Variants in GPD2 observed in about 807,000 individuals in gnomAD.
GPD2 encodes glycerol-3-phosphate dehydrogenase, mitochondrial.
In GPD2, 54 loss-of-function variants were observed where a neutral mutation model predicts 82.4. The observed-to-expected ratio is 0.66, with a 90% CI of 0.53 to 0.82. The LOEUF (loss-of-function observed/expected upper bound fraction) is 0.82, where lower values mean the gene tolerates loss of function less well. Among genes scored for constraint, GPD2 ranks in the 40% least tolerant of loss-of-function variants. The pLI is 0.00. For missense variants in GPD2, 748 were observed against 896.2 expected, an observed-to-expected ratio of 0.83 and a Z score of 2.11; for synonymous variants, 288 against 306.1, an observed-to-expected ratio of 0.94 and a Z score of 0.62.
intron 2 of GPD2, among the ~76,000 whole-genome samples, chr2:156,480,103 G>T (rs1683669205): frequency 6.6e-6 from 1 of 152,178 alleles, no homozygotes; most frequent in African/African-American, 2.4e-5. Context: ...ATCTTATCCA[G>T]TCTAAGGTCT....
intron 9 of GPD2, among the ~76,000 whole-genome samples, chr2:156,558,307 T>A (rs565885077): frequency 6.6e-6 from 1 of 152,264 alleles, no homozygotes; most frequent in East Asian, 1.9e-4. Flanking sequence ...TCTTTCCATA[T>A]CCAGTCTAAT....
chr2:156,532,524 A>G (rs1179901984), intron 6 of GPD2, among the ~76,000 whole-genome samples: 11 of 152,224 alleles, frequency 7.2e-5, no homozygotes, highest in Admixed American at 7.2e-4. Context: ...AATAGGTTTC[A>G]GACAACTTAC....
intron 11 of GPD2, 141 bp downstream of exon 11, chr2:156,569,679 A>G (rs1687538959): frequency 1.4e-6 from 1 of 736,472 alleles, no homozygotes; most frequent in Non-Finnish European, 2.4e-6. Flanking sequence ...TGGAAGGAAA[A>G]AAAGATGATC....
intron 1 of GPD2, among the ~76,000 whole-genome samples, chr2:156,467,976 C>T (rs1404057784): frequency 6.6e-6 from 1 of 152,002 alleles, no homozygotes; most frequent in Admixed American, 6.6e-5. Context: ...TCATGATCCC[C>T]ACAGTAAAGT....
At chr2:156,457,385 T>C (rs1682824142) in intron 1 of GPD2, among the ~76,000 whole-genome samples, 1 of 152,200 alleles carries the variant, frequency 6.6e-6, no homozygotes, top group African/African-American at 2.4e-5. Flanking sequence ...TTGGACTCCA[T>C]GTGATTAGAG....
At chr2:156,425,340 G>C in the GPD2 span, among the ~76,000 whole-genome samples, 1 of 152,058 alleles carries the variant, frequency 6.6e-6, no homozygotes, top group Non-Finnish European at 1.5e-5. Context: ...ATCTCCCAAA[G>C]TACTGGGGTT....
At chr2:156,559,734 A>T (rs1260478449) in intron 9 of GPD2, among the ~76,000 whole-genome samples, 1 of 152,228 alleles carries the variant, frequency 6.6e-6, no homozygotes, top group Non-Finnish European at 1.5e-5. Context: ...AATACATATC[A>T]TTGAAATCCA....
chr2:156,562,013 G>A (rs1416456310), intron 9 of GPD2, among the ~76,000 whole-genome samples: 4 of 152,242 alleles, frequency 2.6e-5, no homozygotes, highest in African/African-American at 4.8e-5. Flanking sequence ...ATAGTTCTGC[G>A]TTTCATATTG....
At chr2:156,574,020 T>A (rs74363187) in intron 13 of GPD2, among the ~76,000 whole-genome samples, 5,147 of 152,262 alleles carry the variant, frequency 0.034, 300 homozygotes, top group African/African-American at 0.12. Context: ...AGTTTTAAGA[T>A]CTTAAAATCT....
intron 16 of GPD2, among the ~76,000 whole-genome samples, chr2:156,581,186 A>G (rs1446876838): frequency 6.6e-6 from 1 of 151,968 alleles, no homozygotes; most frequent in Non-Finnish European, 1.5e-5. Context: ...ATAATTGAGT[A>G]TTTTTTGTCC....
chr2:156,469,638 G>A (rs1369491975), intron 1 of GPD2, among the ~76,000 whole-genome samples: 4 of 152,296 alleles, frequency 2.6e-5, no homozygotes, highest in East Asian at 3.9e-4. Context: ...TCTTGCTGGA[G>A]AATGCATGCC....
chr2:156,571,568 C>A (rs1687642036), intron 13 of GPD2, among the ~76,000 whole-genome samples: 1 of 152,178 alleles, frequency 6.6e-6, no homozygotes, highest in African/African-American at 2.4e-5. Context: ...GGAACCTTTT[C>A]TGGTTTTCAT....
rs1684968704 is a variant in GPD2 at position 156,510,847 on chromosome 2, G to A, written c.326G>A (p.Ser109Asn). The A allele has an allele frequency of 6.2e-7, 1 of 1,612,538 alleles. No individual in the cohort carries two copies. Among genetic ancestry groups the A allele is most frequent in the East Asian group, 2.2e-5 (1 of 44,866 alleles). ...GATGATTTCTCATCAGGGACCAGCAGCAGAAGCACTAAATTGATCCATGGT... is the reference window on the plus strand; with the variant it reads ...GATGATTTCTCATCAGGGACCAGCAACAGAAGCACTAAATTGATCCATGGT... Reference protein sequence around the residue: ...ERDDFSSGTSSRSTKLIHGGV... With the variant: ...ERDDFSSGTSNRSTKLIHGGV... The change falls in exon 4 of 17, where the codon AGC becomes AAC. Residue 109 changes from serine (S) to asparagine (N), a missense_variant. Around this residue, in one of 3 missense-constraint regions of GPD2, gnomAD observed 692 missense variants for 809.7 expected, o/e 0.85. Coordinates refer to ENST00000438166, the MANE Select transcript of GPD2 (RefSeq NM_000408.5).
chr2:156,582,846 A>C lies in GPD2; in HGVS notation c.2112A>C (p.Leu704=). 1 of 1,613,032 alleles carries C rather than the reference A, an allele frequency of 6.2e-7. No homozygotes were observed. Among genetic ancestry groups the C allele is most frequent in the East Asian group, 2.2e-5 (1 of 44,850 alleles). The change falls in exon 17 of 17, where the codon CTA becomes CTC. Residue 704 remains leucine, a synonymous_variant. Coordinates refer to ENST00000438166, the MANE Select transcript of GPD2 (RefSeq NM_000408.5). ...TATCTGGAAGCCGGCTTGCTATACTAATGAAAACTGCAGAAGAGAACCTCG... is the reference window on the plus strand; with the variant it reads ...TATCTGGAAGCCGGCTTGCTATACTCATGAAAACTGCAGAAGAGAACCTCG... The part of the protein sequence containing the change: ...GRVSGSRLAI[L]MKTAEENLDR...
At chr2:156,462,290 T>C (rs2105177349) in intron 1 of GPD2, among the ~76,000 whole-genome samples, 1 of 152,200 alleles carries the variant, frequency 6.6e-6, no homozygotes, top group Middle Eastern at 3.4e-3. Flanking sequence ...TTTCTTTTTC[T>C]TTTTTCTTTT....
intron 6 of GPD2, among the ~76,000 whole-genome samples, chr2:156,515,488 ATTG>A (rs199878256): frequency 0.018 from 2,739 of 152,246 alleles, 89 homozygotes; most frequent in African/African-American, 0.062. Context: ...CTTATTTGGA[ATTG>A]TTGTGAATTA....
intron 3 of GPD2, among the ~76,000 whole-genome samples, chr2:156,504,817 A>G (rs1204414165): frequency 6.6e-6 from 1 of 152,122 alleles, no homozygotes; most frequent in Admixed American, 6.5e-5. Flanking sequence ...GAAAAAAATT[A>G]AATCAAATAT....
intron 1 of GPD2, among the ~76,000 whole-genome samples, chr2:156,472,614 G>T (rs1345240970): frequency 6.6e-6 from 1 of 152,144 alleles, no homozygotes; most frequent in African/African-American, 2.4e-5. Context: ...GAGCCACCGT[G>T]CCCGGCCCTA....
intron 13 of GPD2, among the ~76,000 whole-genome samples, chr2:156,573,641 C>G (rs1229946467): frequency 2.6e-5 from 4 of 152,116 alleles, no homozygotes; most frequent in Non-Finnish European, 5.9e-5. Context: ...CTAGATTTAA[C>G]TTCAGTTCAT....
Sources: gnomAD v4.1 joint callset for allele counts (sites outside exome capture counted in the v4.1 genomes callset) on GRCh38, gnomAD v4.1.1 for gene constraint, gnomAD v4.1.1 regional missense constraint, MANE v1.5 for transcripts, NCBI Gene and HGNC (gene_info 2026-07-23, HGNC 2026-07-21) for gene names.